Variants in CEP112 observed in about 807,000 individuals in gnomAD.
CEP112 encodes centrosomal protein of 112 kDa.
CEP112 carries 127 observed loss-of-function variants against 153.0 expected under a neutral mutation model. The observed-to-expected ratio is 0.83, with a 90% CI of 0.72 to 0.96. The LOEUF (loss-of-function observed/expected upper bound fraction) is 0.96, where lower values mean the gene tolerates loss of function less well. Among genes scored for constraint, CEP112 ranks in the 40% least tolerant of loss-of-function variants. The pLI, the probability that CEP112 is intolerant of heterozygous loss-of-function variation, is 0.00. For missense variants in CEP112, 1,089 were observed against 1,101.2 expected, an observed-to-expected ratio of 0.99 and a Z score of 0.16; for synonymous variants, 358 against 374.4, an observed-to-expected ratio of 0.96 and a Z score of 0.51.
intron 21 of CEP112, among the ~76,000 whole-genome samples, chr17:65,835,568 T>C (rs2146165306): frequency 6.6e-6 from 1 of 151,874 alleles, no homozygotes; most frequent in South Asian, 2.1e-4. Flanking sequence ...AGTTTAGGGG[T>C]TGGGGGTGGA....
At chr17:66,174,658 T>C (rs1276662453) in intron 4 of CEP112, among the ~76,000 whole-genome samples, 1 of 151,840 alleles carries the variant, frequency 6.6e-6, no homozygotes, top group African/African-American at 2.4e-5. Flanking sequence ...TTAAGTTTAA[T>C]ACTCTAGTAA....
intron 17 of CEP112, among the ~76,000 whole-genome samples, chr17:65,972,079 C>T (rs1052699892): frequency 6.6e-6 from 1 of 152,084 alleles, no homozygotes; most frequent in Non-Finnish European, 1.5e-5. Context: ...TGGACTATTC[C>T]ACCCAATCAA....
At chr17:65,837,779 T>C (rs1302565637) in intron 21 of CEP112, among the ~76,000 whole-genome samples, 2 of 152,220 alleles carry the variant, frequency 1.3e-5, no homozygotes, top group Non-Finnish European at 2.9e-5. Flanking sequence ...TGTTAATCTA[T>C]AACCTTACCC....
chr17:66,053,696 G>A (rs1212687690), intron 12 of CEP112, 40 bp downstream of exon 12: 1 of 1,579,338 alleles, frequency 6.3e-7, no homozygotes, highest in Non-Finnish European at 8.6e-7. Flanking sequence ...AAATTGAGAA[G>A]ACAGGTTCTA....
At chr17:66,080,269 G>A (rs1047078250) in intron 8 of CEP112, among the ~76,000 whole-genome samples, 3 of 152,082 alleles carry the variant, frequency 2.0e-5, no homozygotes, top group African/African-American at 7.2e-5. Flanking sequence ...ATCTGACAAA[G>A]GGCTAATATC....
At chr17:66,115,221 G>C (rs568329919) in intron 6 of CEP112, among the ~76,000 whole-genome samples, 12 of 152,132 alleles carry the variant, frequency 7.9e-5, no homozygotes, top group Admixed American at 7.9e-4. Flanking sequence ...AAAAAACCCT[G>C]ACAATACTAG....
intron 8 of CEP112, among the ~76,000 whole-genome samples, chr17:66,087,289 T>C (rs557457149): frequency 1.9e-3 from 288 of 152,298 alleles, no homozygotes; most frequent in African/African-American, 6.9e-3. Context: ...TGCCCCAAGT[T>C]GTCATCAACA....
chr17:65,971,688 GTGTA>G lies in CEP112; in HGVS notation c.1737-10094_1737-10091del, dbSNP rs1287891548. On this transcript the variant is annotated intron_variant, in intron 17 of 26. Transcript: ENST00000535342. ...TGTATGTTACATGCATATTACATGC[GTGTA>G]TATTACATGCATATTACATGCATGC... Among the ~76,000 whole-genome samples, 12 of 152,130 alleles carry G rather than the reference GTGTA, an allele frequency of 7.9e-5. No individual in the cohort carries two copies. In the South Asian group the frequency reaches 1.2e-3, roughly 16 times the overall value.
intron 12 of CEP112, among the ~76,000 whole-genome samples, chr17:66,046,857 G>A (rs1335232900): frequency 6.6e-6 from 1 of 152,038 alleles, no homozygotes; most frequent in East Asian, 1.9e-4. Flanking sequence ...AGAAAATGGC[G>A]AGGACCACCC....
intron 12 of CEP112, among the ~76,000 whole-genome samples, chr17:66,044,026 G>A (rs547323667): frequency 1.2e-4 from 19 of 152,156 alleles, no homozygotes; most frequent in South Asian, 8.3e-4. Flanking sequence ...GACAGACTCC[G>A]TCCATGTTTC....
intron 18 of CEP112, among the ~76,000 whole-genome samples, chr17:65,948,351 A>AT (rs1389197983): frequency 6.6e-6 from 1 of 152,084 alleles, no homozygotes; most frequent in Non-Finnish European, 1.5e-5. Flanking sequence ...ATAAGGATGT[A>AT]TTTTCAAGAG....
intron 18 of CEP112, among the ~76,000 whole-genome samples, chr17:65,941,836 T>G (rs1429523464): frequency 6.6e-6 from 1 of 151,366 alleles, no homozygotes; most frequent in East Asian, 1.9e-4. Flanking sequence ...CAGGCTGGAG[T>G]ACAGTGGCAC....
intron 8 of CEP112, among the ~76,000 whole-genome samples, chr17:66,079,117 A>C (rs1451907778): frequency 6.6e-6 from 1 of 152,140 alleles, no homozygotes; most frequent in African/African-American, 2.4e-5. Flanking sequence ...AATAATAATA[A>C]TACTTAACAT....
rs2065269130 is a variant in CEP112, at chr17:66,027,571, T to C, written c.1597-11A>G. 6 of 1,260,362 alleles carry C rather than the reference T, an allele frequency of 4.8e-6. No individual in the cohort carries two copies. The highest frequency in any genetic ancestry group is 5.3e-6 in the Non-Finnish European group (5 of 941,388). 78.1% of individuals were successfully genotyped at this position (1,260,362 alleles called of 1,614,324 possible). A position where few individuals can be genotyped will look rare whatever the true frequency, so the allele number is the denominator to read the frequency against. On this transcript the variant is annotated splice_polypyrimidine_tract_variant and intron_variant, in intron 15 of 26. Coordinates refer to ENST00000535342, the MANE Select transcript of CEP112 (RefSeq NM_001199165.4). ...CTTATTTTCTTGATCCTGTGAATGATAAATGTTTATATTTATTATACTTTA... is the reference window on the plus strand; with the variant it reads ...CTTATTTTCTTGATCCTGTGAATGACAAATGTTTATATTTATTATACTTTA...
chr17:66,113,065 G>A (rs896444100), intron 6 of CEP112, among the ~76,000 whole-genome samples: 26 of 151,812 alleles, frequency 1.7e-4, no homozygotes, highest in African/African-American at 5.6e-4. Flanking sequence ...GCGAAACTCC[G>A]TCTCAAAAAA....
At chr17:65,833,914 C>T (rs938941650) in intron 21 of CEP112, among the ~76,000 whole-genome samples, 1 of 152,094 alleles carries the variant, frequency 6.6e-6, no homozygotes, top group Non-Finnish European at 1.5e-5. Context: ...GTAAAGAGAA[C>T]AAAGCTGGAA....
intron 20 of CEP112, among the ~76,000 whole-genome samples, chr17:65,861,593 C>T (rs1407974440): frequency 6.6e-6 from 1 of 152,158 alleles, no homozygotes; most frequent in African/African-American, 2.4e-5. Context: ...AAAAACAATA[C>T]ATGACTAGGC....
chr17:65,669,613 A>G (rs1256325460), intron 24 of CEP112, among the ~76,000 whole-genome samples: 1 of 152,180 alleles, frequency 6.6e-6, no homozygotes, highest in Non-Finnish European at 1.5e-5. Flanking sequence ...TGTCTAAAAA[A>G]GAAGAAAAGG....
intron 13 of CEP112, among the ~76,000 whole-genome samples, 176 bp from the exon 14 acceptor site, chr17:66,029,428 G>A (rs1838413638): frequency 6.6e-6 from 1 of 152,136 alleles, no homozygotes; most frequent in Non-Finnish European, 1.5e-5. Context: ...TGGGTACAGT[G>A]ACTCATGCCT....
Sources: gnomAD v4.1 joint callset for allele counts (sites outside exome capture counted in the v4.1 genomes callset) on GRCh38, gnomAD v4.1.1 for gene constraint, MANE v1.5 for transcripts, NCBI Gene and HGNC (gene_info 2026-07-23, HGNC 2026-07-21) for gene names.